CLEC2A: variants seen among roughly 807,000 people sequenced by gnomAD.
The protein encoded by CLEC2A is keratinocyte-associated C-type lectin.
A neutral mutation model predicts 18.6 loss-of-function variants in CLEC2A; 19 were observed. The observed-to-expected ratio is 1.02, with a 90% CI of 0.71 to 1.50. The LOEUF (loss-of-function observed/expected upper bound fraction) is 1.50, where lower values mean the gene tolerates loss of function less well. Ranked by LOEUF, CLEC2A falls within the 40% of genes most tolerant of loss-of-function variation. The pLI is 0.00. For synonymous variants in CLEC2A, 74 were observed against 64.0 expected (o/e 1.16, Z -0.75); for missense variants, 190 against 207.9 (o/e 0.91, Z 0.53).
chr12:9,924,334 A>AT (rs1863228714), intron 2 of CLEC2A, among the ~76,000 whole-genome samples: 1 of 152,140 alleles, frequency 6.6e-6, no homozygotes, highest in South Asian at 2.1e-4. Context: ...TCTTGTCTAT[A>AT]TTTAACTTCC....
chr12:9,927,762 T>C (rs1229447216), intron 1 of CLEC2A, among the ~76,000 whole-genome samples: 1 of 151,982 alleles, frequency 6.6e-6, no homozygotes, highest in Non-Finnish European at 1.5e-5. Context: ...GAATGTTTGA[T>C]AGGAAGAAGA....
At chr12:9,884,144 A>C in the CLEC2A span, among the ~76,000 whole-genome samples, 1 of 152,102 alleles carries the variant, frequency 6.6e-6, no homozygotes, top group African/African-American at 2.4e-5. Context: ...CAAAAGTGCT[A>C]ATATGTGGAA....
At chr12:9,908,086 C>T (rs7972700) in intron 4 of CLEC2A, among the ~76,000 whole-genome samples, 3 of 152,254 alleles carry the variant, frequency 2.0e-5, no homozygotes, top group East Asian at 3.9e-4. Context: ...TCTTGAATGA[C>T]GCTTTAAATT....
At chr12:9,904,967 CATAA>C (rs1862886651) in intron 4 of CLEC2A, among the ~76,000 whole-genome samples, 1 of 152,148 alleles carries the variant, frequency 6.6e-6, no homozygotes, top group Non-Finnish European at 1.5e-5. Flanking sequence ...ACGGTATGGA[CATAA>C]ATACTTATCT....
chr12:9,893,579 A>T, the CLEC2A span: 5 of 753,324 alleles, frequency 6.6e-6, no homozygotes, highest in Non-Finnish European at 1.0e-5. Flanking sequence ...GCTAATGTTT[A>T]TAGAATTATT....
downstream of CLEC2A, among the ~76,000 whole-genome samples, chr12:9,897,447 G>C (rs1235897218): frequency 1.3e-5 from 2 of 151,760 alleles, no homozygotes; most frequent in Non-Finnish European, 2.9e-5. Flanking sequence ...AGGATCTTTT[G>C]CTCCTTAGTT....
chr12:9,901,720 A>C (rs1862831652), intron 4 of CLEC2A, among the ~76,000 whole-genome samples: 1 of 152,252 alleles, frequency 6.6e-6, no homozygotes, highest in Non-Finnish European at 1.5e-5. Flanking sequence ...TCAAGATTTA[A>C]AACACTGATA....
intron 2 of CLEC2A, among the ~76,000 whole-genome samples, chr12:9,924,290 T>C (rs757812870): frequency 6.6e-6 from 1 of 152,132 alleles, no homozygotes; most frequent in Non-Finnish European, 1.5e-5. Flanking sequence ...TTTTAATCAA[T>C]GAATAAATGA....
chr12:9,895,115 G>A (rs1215016489), downstream of CLEC2A, among the ~76,000 whole-genome samples: 1 of 152,158 alleles, frequency 6.6e-6, no homozygotes, highest in Non-Finnish European at 1.5e-5. Context: ...GAATTTAAGA[G>A]TCATCTAATA....
In CLEC2A at chr12:9,906,016, A is replaced by G. The variant is rs935466089; in HGVS notation, c.411-7040T>C. ...GTGGTGATTTTCTTGGAGCCCACTT[A>G]TTAGTTTTGTTTTTTTTTTTTTTAC... On this transcript the variant is annotated intron_variant, in intron 4 of 4. Transcript: ENST00000339766. Among the ~76,000 whole-genome samples, 17 of 91,600 alleles carry G rather than the reference A, an allele frequency of 1.9e-4. No homozygotes were observed. The East Asian group carries it at 4.7e-3, about 25-fold the overall frequency. The allele number at this position is 91,600 out of a possible 152,430, so 60.1% of individuals were successfully genotyped here. A position where few individuals can be genotyped will look rare whatever the true frequency, so the allele number is the denominator to read the frequency against.
chr12:9,880,811 G>A, the CLEC2A span, among the ~76,000 whole-genome samples: 1 of 152,052 alleles, frequency 6.6e-6, no homozygotes, highest in Non-Finnish European at 1.5e-5. Flanking sequence ...ACATTACAGA[G>A]GAGGCAAATC....
chr12:9,928,058 A>G (rs1565536306), intron 1 of CLEC2A, among the ~76,000 whole-genome samples: 1 of 152,228 alleles, frequency 6.6e-6, no homozygotes, highest in Non-Finnish European at 1.5e-5. Flanking sequence ...CTGAAACCAT[A>G]CAATTTCTAG....
At chr12:9,883,704 AAG>A in the CLEC2A span, among the ~76,000 whole-genome samples, 1 of 152,206 alleles carries the variant, frequency 6.6e-6, no homozygotes, top group Non-Finnish European at 1.5e-5. Context: ...AAGAAAAAGA[AAG>A]AAAATTATTT....
At chr12:9,913,713 C>T (rs759958618) in intron 4 of CLEC2A, 33 bp from the exon 5 acceptor site, 64 of 1,321,342 alleles carry the variant, frequency 4.8e-5, no homozygotes, top group Non-Finnish European at 5.9e-5. Flanking sequence ...AGTCTGGGAA[C>T]CACTTACGGC....
chr12:9,888,672 G>C, the CLEC2A span: 6 of 947,474 alleles, frequency 6.3e-6, no homozygotes, highest in Non-Finnish European at 9.8e-6. Flanking sequence ...TTATTCTCAT[G>C]TACCTAGATT....
intron 4 of CLEC2A, among the ~76,000 whole-genome samples, chr12:9,906,019 AGTT>A (rs1862902243): frequency 1.8e-5 from 1 of 55,600 alleles, no homozygotes; most frequent in African/African-American, 8.1e-5. Flanking sequence ...CCCACTTATT[AGTT>A]TTGTTTTTTT....
At chr12:9,914,388 A>G (rs1443231565) in intron 4 of CLEC2A, among the ~76,000 whole-genome samples, 1 of 152,200 alleles carries the variant, frequency 6.6e-6, no homozygotes, top group Non-Finnish European at 1.5e-5. Context: ...GAAACCAAAA[A>G]AGAGCCCATA....
At chr12:9,915,924 A>G (rs1205691126) in intron 4 of CLEC2A, among the ~76,000 whole-genome samples, 3 of 152,080 alleles carry the variant, frequency 2.0e-5, no homozygotes, top group Non-Finnish European at 4.4e-5. Context: ...TTCCTTATTT[A>G]TAAGTATAAT....
chr12:9,931,426 T>C (rs1011371061), intron 1 of CLEC2A, among the ~76,000 whole-genome samples: 1 of 152,174 alleles, frequency 6.6e-6, no homozygotes, highest in African/African-American at 2.4e-5. Flanking sequence ...TAAATTAAAA[T>C]GGAAAGTCTT....
Sources: gnomAD v4.1 joint callset for allele counts (sites outside exome capture counted in the v4.1 genomes callset) on GRCh38, gnomAD v4.1.1 for gene constraint, MANE v1.5 for transcripts, NCBI Gene and HGNC (gene_info 2026-07-23, HGNC 2026-07-21) for gene names.